NDUFS4: variants seen among roughly 807,000 people sequenced by gnomAD.
NDUFS4 encodes NADH dehydrogenase [ubiquinone] iron-sulfur protein 4, mitochondrial.
Under a neutral mutation model 24.3 loss-of-function variants are expected in NDUFS4, and 28 were observed. That is an observed-to-expected ratio of 1.15 (90% CI 0.85 to 1.58). The LOEUF is 1.58. Among genes scored for constraint, NDUFS4 ranks in the 40% most tolerant of loss-of-function variants. NDUFS4 has a pLI of 0.00. For synonymous variants in NDUFS4, 93 were observed against 69.7 expected, an observed-to-expected ratio of 1.34 and a Z score of -1.67; for missense variants, 223 against 207.9, an observed-to-expected ratio of 1.07 and a Z score of -0.45.
At position 53,583,329 on chromosome 5, in the gene NDUFS4, C is replaced by T. The variant is rs111227846; in HGVS notation, c.99-20123C>T. ...TAATACTATTGCAAACTTTATCTTA[C>T]GGCAATATTTACTAAAATGTATATG... On this transcript the variant is annotated intron_variant, in intron 1 of 4. Coordinates refer to ENST00000296684, the MANE Select transcript of NDUFS4 (RefSeq NM_002495.4). 8.1e-3 allele frequency among the ~76,000 whole-genome samples: 1,231 copies of T among 152,174 alleles called. 10 individuals are homozygous for T. Among genetic ancestry groups the T allele is most frequent in the Non-Finnish European group, 0.014 (940 of 68,010 alleles).
At chr5:53,586,962 T>C (rs1019887936) in intron 1 of NDUFS4, among the ~76,000 whole-genome samples, 1 of 152,006 alleles carries the variant, frequency 6.6e-6, no homozygotes, top group Non-Finnish European at 1.5e-5. Flanking sequence ...TAGCTGGGAT[T>C]ACAGGCATGT....
At chr5:53,585,799 G>A (rs907609389) in intron 1 of NDUFS4, among the ~76,000 whole-genome samples, 7 of 151,270 alleles carry the variant, frequency 4.6e-5, no homozygotes, top group Non-Finnish European at 8.8e-5. Flanking sequence ...CTGTGCCTGT[G>A]TGTATTGTAA....
At chr5:53,593,274 A>G (rs966310744) in intron 1 of NDUFS4, among the ~76,000 whole-genome samples, 1 of 152,012 alleles carries the variant, frequency 6.6e-6, no homozygotes, top group African/African-American at 2.4e-5. Flanking sequence ...TGTTTTTCAA[A>G]TAATTAGCCC....
At chr5:53,645,227 T>C (rs1284527146) in intron 2 of NDUFS4, among the ~76,000 whole-genome samples, 4 of 152,120 alleles carry the variant, frequency 2.6e-5, no homozygotes, top group Non-Finnish European at 5.9e-5. Flanking sequence ...TTGACCCCAA[T>C]GTGATTTACT....
At chr5:53,624,058 CAAGGATTCAT>C (rs1579888116) in intron 2 of NDUFS4, among the ~76,000 whole-genome samples, 3 of 152,154 alleles carry the variant, frequency 2.0e-5, no homozygotes, top group African/African-American at 7.2e-5. Flanking sequence ...TGGTGTAAGA[CAAGGATTCAT>C]TTTCATTCTT....
chr5:53,616,178 A>G (rs968386639), intron 2 of NDUFS4, among the ~76,000 whole-genome samples: 3 of 151,842 alleles, frequency 2.0e-5, no homozygotes, highest in Non-Finnish European at 2.9e-5. Context: ...TCTCTTATTT[A>G]TAATGTAAAA....
intron 2 of NDUFS4, among the ~76,000 whole-genome samples, chr5:53,621,567 A>G (rs909507775): frequency 6.6e-6 from 1 of 152,032 alleles, no homozygotes; most frequent in African/African-American, 2.4e-5. Context: ...CCATGAACTA[A>G]TAATGTATTA....
intron 4 of NDUFS4, among the ~76,000 whole-genome samples, chr5:53,670,393 C>T (rs1414510196): frequency 2.0e-5 from 3 of 151,240 alleles, no homozygotes; most frequent in South Asian, 2.1e-4. Flanking sequence ...TTAGATGTGC[C>T]GTAAGTGTAA....
chr5:53,575,034 C>T (rs1749338376), intron 1 of NDUFS4, among the ~76,000 whole-genome samples: 1 of 152,172 alleles, frequency 6.6e-6, no homozygotes, highest in African/African-American at 2.4e-5. Context: ...CCATTGTTGC[C>T]ACCGCATGTG....
chr5:53,574,383 A>G (rs1004860993), intron 1 of NDUFS4, among the ~76,000 whole-genome samples: 1 of 152,234 alleles, frequency 6.6e-6, no homozygotes, highest in Non-Finnish European at 1.5e-5. Context: ...ATTTTCAAAT[A>G]TTGAATCAGC....
intron 2 of NDUFS4, among the ~76,000 whole-genome samples, chr5:53,636,290 C>A (rs11749138): frequency 0.42 from 64,315 of 152,058 alleles, 14,435 homozygotes; most frequent in Admixed American, 0.5. Flanking sequence ...GTTGTGATTT[C>A]TCTGAAGTTT....
At chr5:53,617,651 GGA>G (rs1471807139) in intron 2 of NDUFS4, among the ~76,000 whole-genome samples, 2 of 151,992 alleles carry the variant, frequency 1.3e-5, no homozygotes, top group Non-Finnish European at 1.5e-5. Context: ...AAAACTAGTG[GGA>G]GAGACAAAAG....
chr5:53,648,775 G>GC (rs1397566303), intron 3 of NDUFS4, among the ~76,000 whole-genome samples: 12 of 152,142 alleles, frequency 7.9e-5, no homozygotes, highest in Admixed American at 5.2e-4. Flanking sequence ...AAATTTTCTG[G>GC]CCCCCCAAAA....
chr5:53,563,236 C>CAAAAAA lies in NDUFS4; in HGVS notation c.98+2489_98+2494dup, dbSNP rs906204561. ...AGAGCCAGACTGTGTCTCAAAAAAACAAAAAAAAAAAAAAAAAAGAAAAGG... is the reference window on the plus strand; with the variant it reads ...AGAGCCAGACTGTGTCTCAAAAAAACAAAAAAAAAAAAAAAAAAAAAAAAGAAAAGG... On this transcript the variant is annotated intron_variant, in intron 1 of 4. Coordinates refer to ENST00000296684, the MANE Select transcript of NDUFS4 (RefSeq NM_002495.4). Among the ~76,000 whole-genome samples the CAAAAAA allele has an allele frequency of 2.1e-3, 222 of 104,860 alleles. 1 individual carries two copies. The highest frequency in any genetic ancestry group is 3.1e-3 in the East Asian group (9 of 2,898). 68.8% of individuals were successfully genotyped at this position (104,860 alleles called of 152,430 possible). A position where few individuals can be genotyped will look rare whatever the true frequency, so the allele number is the denominator to read the frequency against.
chr5:53,654,194 A>G (rs1752098884), intron 3 of NDUFS4, among the ~76,000 whole-genome samples: 1 of 152,144 alleles, frequency 6.6e-6, no homozygotes, highest in Non-Finnish European at 1.5e-5. Context: ...AAAAAAAATC[A>G]GGAATGGGTA....
chr5:53,566,942 A>G (rs1477398881), intron 1 of NDUFS4, among the ~76,000 whole-genome samples: 1 of 148,200 alleles, frequency 6.7e-6, no homozygotes, highest in African/African-American at 2.5e-5. Flanking sequence ...TCTGCCTCCC[A>G]GGTTCAAGCA....
chr5:53,660,277 G>T (rs1579928851), intron 4 of NDUFS4, among the ~76,000 whole-genome samples: 1 of 151,576 alleles, frequency 6.6e-6, no homozygotes, highest in Non-Finnish European at 1.5e-5. Flanking sequence ...GCGATAGTTT[G>T]CTGAGAATGA....
intron 3 of NDUFS4, among the ~76,000 whole-genome samples, chr5:53,653,227 T>C (rs780275269): frequency 7.2e-5 from 11 of 152,182 alleles, no homozygotes; most frequent in Non-Finnish European, 1.5e-4. Context: ...TTCCATGTCA[T>C]TGTGGACATA....
At chr5:53,585,651 A>C (rs1482330653) in intron 1 of NDUFS4, among the ~76,000 whole-genome samples, 1 of 151,948 alleles carries the variant, frequency 6.6e-6, no homozygotes, top group Admixed American at 6.6e-5. Context: ...CTGAGGCAGG[A>C]GAATTACTTG....
Sources: gnomAD v4.1 joint callset for allele counts (sites outside exome capture counted in the v4.1 genomes callset) on GRCh38, gnomAD v4.1.1 for gene constraint, MANE v1.5 for transcripts, NCBI Gene and HGNC (gene_info 2026-07-23, HGNC 2026-07-21) for gene names.